FARS2: variants seen among roughly 807,000 people sequenced by gnomAD.
FARS2 encodes the protein phenylalanyl-tRNA synthetase 2, mitochondrial, also known as phenylalanine--tRNA ligase, mitochondrial.
In FARS2, 40 loss-of-function variants were observed where a neutral mutation model predicts 46.4. The observed-to-expected ratio is 0.86, with a 90% CI of 0.67 to 1.12. The LOEUF (loss-of-function observed/expected upper bound fraction) is 1.12, where lower values mean the gene tolerates loss of function less well. Among genes scored for constraint, FARS2 ranks in the 50% most tolerant of loss-of-function variants. FARS2 has a pLI of 0.00. For missense variants in FARS2, 513 were observed against 567.9 expected (o/e 0.90, Z 0.98); for synonymous variants, 234 against 214.9 (o/e 1.09, Z -0.78).
rs145194653 is a variant in FARS2 at position 5,307,491 on chromosome 6, G to A, written c.-22+45831G>A. Among the ~76,000 whole-genome samples, 178 of 152,170 alleles carry A rather than the reference G, an allele frequency of 1.2e-3. 2 individuals are homozygous for A. The highest frequency in any genetic ancestry group is 3.4e-3 in the Middle Eastern group (1 of 294). Reference sequence around the variant, plus strand: ...AGGCATTTTGATATTTTACACACACGCGTGCACACACACATGCACAATTTC... The same window carrying A: ...AGGCATTTTGATATTTTACACACACACGTGCACACACACATGCACAATTTC... On this transcript the variant is annotated intron_variant, in intron 1 of 6. Coordinates refer to ENST00000274680, the MANE Select transcript of FARS2 (RefSeq NM_006567.5).
intron 5 of FARS2, among the ~76,000 whole-genome samples, chr6:5,611,545 A>G (rs1201799940): frequency 6.6e-6 from 1 of 152,216 alleles, no homozygotes; most frequent in Admixed American, 6.5e-5. Flanking sequence ...ACTAGTAGAT[A>G]TCCCATGTCC....
chr6:5,580,067 G>A (rs1215007998), intron 5 of FARS2, among the ~76,000 whole-genome samples: 4 of 151,924 alleles, frequency 2.6e-5, no homozygotes, highest in African/African-American at 7.3e-5. Flanking sequence ...CTAGGCAGGC[G>A]GATCATGAGG....
intron 6 of FARS2, among the ~76,000 whole-genome samples, chr6:5,671,337 G>C (rs1778447858): frequency 6.6e-6 from 1 of 152,176 alleles, no homozygotes; most frequent in Non-Finnish European, 1.5e-5. Flanking sequence ...CCCCAGAGCT[G>C]GATGGGTTTG....
intron 4 of FARS2, among the ~76,000 whole-genome samples, chr6:5,487,734 T>A (rs1055347880): frequency 6.6e-6 from 1 of 152,196 alleles, no homozygotes; most frequent in Non-Finnish European, 1.5e-5. Flanking sequence ...ACTCAGGGCC[T>A]CCTCTGGAAA....
chr6:5,700,599 T>C (rs965902967), intron 6 of FARS2, among the ~76,000 whole-genome samples: 1 of 152,142 alleles, frequency 6.6e-6, no homozygotes, highest in African/African-American at 2.4e-5. Context: ...GGTTTCACCA[T>C]GTTGGCCAGG....
At chr6:5,657,681 A>G (rs1401549138) in intron 6 of FARS2, among the ~76,000 whole-genome samples, 1 of 152,218 alleles carries the variant, frequency 6.6e-6, no homozygotes, top group African/African-American at 2.4e-5. Flanking sequence ...CCTGGGCTGC[A>G]TTAACGGTTC....
At chr6:5,268,014 T>G (rs1388255411) in intron 1 of FARS2, among the ~76,000 whole-genome samples, 1 of 152,268 alleles carries the variant, frequency 6.6e-6, no homozygotes, top group African/African-American at 2.4e-5. Context: ...TTGAGAAGTG[T>G]CTGTTCATAT....
rs1757298921 is a variant in FARS2, at chr6:5,347,283, C to T, written c.-21-21267C>T. 2.0e-5 allele frequency among the ~76,000 whole-genome samples: 3 copies of T among 152,238 alleles called. No individual in the cohort carries two copies. In the South Asian group the frequency reaches 6.2e-4, roughly 32 times the overall value. On this transcript the variant is annotated intron_variant, in intron 1 of 6. Transcript: ENST00000274680. ...CTTTCTGTCAAGATGCTAATCATCC[C>T]CTTTACCCCAAAAAGTCCCCTCATG...
intron 5 of FARS2, among the ~76,000 whole-genome samples, chr6:5,591,674 C>T (rs1354520918): frequency 1.3e-5 from 2 of 152,212 alleles, no homozygotes; most frequent in Non-Finnish European, 2.9e-5. Context: ...CATTTCTTCT[C>T]GCCCCGAGGA....
At chr6:5,463,702 TA>T (rs35161136) in intron 4 of FARS2, among the ~76,000 whole-genome samples, 93,508 of 149,870 alleles carry the variant, frequency 0.62, 29,261 homozygotes, top group East Asian at 0.79. Context: ...TTTGTTTTCT[TA>T]AAAAAAAAAA....
intron 6 of FARS2, among the ~76,000 whole-genome samples, chr6:5,648,563 G>C (rs1431715533): frequency 1.3e-5 from 2 of 152,096 alleles, no homozygotes; most frequent in Non-Finnish European, 2.9e-5. Flanking sequence ...TCTAGGTGAG[G>C]GTCCTTCCTG....
intron 6 of FARS2, among the ~76,000 whole-genome samples, chr6:5,710,509 G>A (rs911445704): frequency 6.6e-6 from 1 of 152,070 alleles, no homozygotes; most frequent in Non-Finnish European, 1.5e-5. Context: ...GACGGTGGTC[G>A]CTGAGAGGGA....
chr6:5,597,356 C>T (rs934689287), intron 5 of FARS2, among the ~76,000 whole-genome samples: 2 of 152,186 alleles, frequency 1.3e-5, no homozygotes, highest in African/African-American at 4.8e-5. Context: ...TGCTTCTGCT[C>T]CTGGTGCACA....
At chr6:5,622,663 G>A (rs1360695270) in intron 6 of FARS2, among the ~76,000 whole-genome samples, 1 of 152,208 alleles carries the variant, frequency 6.6e-6, no homozygotes, top group Non-Finnish European at 1.5e-5. Context: ...ATGTGAGGAT[G>A]AGTAAGAGGA....
chr6:5,363,605 A>G (rs1336164762), intron 1 of FARS2, among the ~76,000 whole-genome samples: 1 of 152,200 alleles, frequency 6.6e-6, no homozygotes, highest in East Asian at 1.9e-4. Flanking sequence ...CAAGAACCAC[A>G]CAGGCTAGTA....
intron 4 of FARS2, among the ~76,000 whole-genome samples, chr6:5,487,741 GA>G (rs1333178079): frequency 1.3e-5 from 2 of 152,142 alleles, no homozygotes; most frequent in Non-Finnish European, 2.9e-5. Context: ...GCCTCCTCTG[GA>G]AAATGAATGG....
chr6:5,428,223 G>A (rs1762956575), intron 3 of FARS2, among the ~76,000 whole-genome samples: 1 of 152,176 alleles, frequency 6.6e-6, no homozygotes, highest in Admixed American at 6.6e-5. Context: ...GGACTAGGGA[G>A]AACCTAAGAT....
chr6:5,516,689 C>G (rs974382024), intron 4 of FARS2, among the ~76,000 whole-genome samples: 1 of 152,176 alleles, frequency 6.6e-6, no homozygotes, highest in Non-Finnish European at 1.5e-5. Flanking sequence ...TCAACTCAAG[C>G]TCTGACCATA....
At chr6:5,305,352 T>C (rs1237684329) in intron 1 of FARS2, among the ~76,000 whole-genome samples, 1 of 152,148 alleles carries the variant, frequency 6.6e-6, no homozygotes, top group African/African-American at 2.4e-5. Context: ...TGTCTGCTGA[T>C]TGAATGAATG....
Sources: gnomAD v4.1 joint callset for allele counts (sites outside exome capture counted in the v4.1 genomes callset) on GRCh38, gnomAD v4.1.1 for gene constraint, MANE v1.5 for transcripts, NCBI Gene and HGNC (gene_info 2026-07-23, HGNC 2026-07-21) for gene names.